Variants in PPIL6 observed in about 807,000 individuals in gnomAD.
PPIL6 encodes the protein peptidylprolyl isomerase like 6.
Under a neutral mutation model 36.8 loss-of-function variants are expected in PPIL6, and 39 were observed. The ratio of observed to expected loss-of-function variants is 1.06; its 90% CI spans 0.82 to 1.38. The LOEUF (loss-of-function observed/expected upper bound fraction) is 1.38. PPIL6 is among the 40% of genes most tolerant of loss of function. The pLI is 0.00. For synonymous variants in PPIL6, 123 were observed against 134.1 expected, an observed-to-expected ratio of 0.92 and a Z score of 0.57; for missense variants, 368 against 379.1, an observed-to-expected ratio of 0.97 and a Z score of 0.24.
At chr6:109,419,684 T>C (rs1198122824) in intron 5 of PPIL6, among the ~76,000 whole-genome samples, 3 of 151,692 alleles carry the variant, frequency 2.0e-5, no homozygotes, top group African/African-American at 7.3e-5. Flanking sequence ...GATTGCGCCA[T>C]TGCACTCCAG....
rs1772470328 is a variant in PPIL6, at chr6:109,400,130, A to G, written c.729T>C (p.Leu243=). 1 of 1,613,466 alleles carries G rather than the reference A, an allele frequency of 6.2e-7. No homozygotes were observed. Among genetic ancestry groups the G allele is most frequent in the Admixed American group, 1.7e-5 (1 of 59,984 alleles). The change falls in exon 7 of 8, where the codon CTT becomes CTC. Residue 243 remains leucine, a synonymous_variant. Transcript: ENST00000521072. The part of the protein sequence containing the change: ...FSVPHNKRGV[L]GMANKGRHSN... ...TGTGACGGCCTTTGTTGGCCATTCC[A>G]AGTACTCCTCTTTTATTATGAGGAA...
intron 7 of PPIL6, among the ~76,000 whole-genome samples, chr6:109,393,509 C>T (rs1057272158): frequency 4.6e-5 from 7 of 152,054 alleles, no homozygotes; most frequent in Non-Finnish European, 7.4e-5. Flanking sequence ...TATAAGTGTG[C>T]GCCACCACAC....
intron 1 of PPIL6, 180 bp downstream of exon 1, chr6:109,440,276 C>A: frequency 1.3e-6 from 1 of 772,816 alleles, no homozygotes; most frequent in South Asian, 1.5e-5. Context: ...GCACTTGCCC[C>A]CCTATACTCT....
chr6:109,407,551 A>G (rs984364777), intron 6 of PPIL6, among the ~76,000 whole-genome samples: 8 of 152,088 alleles, frequency 5.3e-5, no homozygotes, highest in Non-Finnish European at 4.4e-5. Flanking sequence ...GAATATTCTT[A>G]TTAGCCTCTA....
chr6:109,427,074 C>A lies in PPIL6; in HGVS notation c.483+20G>T. The A allele has an allele frequency of 1.2e-6, 2 of 1,601,248 alleles. No homozygotes were observed. The highest frequency in any genetic ancestry group is 1.7e-6 in the Non-Finnish European group (2 of 1,169,358). On this transcript the variant is annotated intron_variant, in intron 4 of 7. Transcript: ENST00000521072. The stretch of plus-strand genomic sequence containing the variant: ...TATAGATCCTACCCCCACAAACTTA[C>A]ATATAAAAAAAAGTATCACCTCAAA...
At chr6:109,435,433 G>A (rs140224320) in intron 2 of PPIL6, among the ~76,000 whole-genome samples, 2,792 of 151,922 alleles carry the variant, frequency 0.018, 61 homozygotes, top group East Asian at 0.069. Context: ...AAGTAGCTGG[G>A]ATTATAGGCA....
At chr6:109,412,504 A>G (rs146770572) in intron 6 of PPIL6, among the ~76,000 whole-genome samples, 3 of 152,366 alleles carry the variant, frequency 2.0e-5, no homozygotes, top group Non-Finnish European at 2.9e-5. Context: ...CTACAGAGCT[A>G]TAGTAACCAA....
intron 1 of PPIL6, among the ~76,000 whole-genome samples, chr6:109,439,051 G>T (rs964533249): frequency 6.6e-6 from 1 of 152,182 alleles, no homozygotes; most frequent in African/African-American, 2.4e-5. Context: ...AGGTGTGACT[G>T]AGACCCTATT....
intron 6 of PPIL6, among the ~76,000 whole-genome samples, chr6:109,415,879 A>C (rs1773230366): frequency 6.6e-6 from 1 of 152,012 alleles, no homozygotes; most frequent in Admixed American, 6.6e-5. Context: ...TTGGTGTTGA[A>C]CTCATGGTGT....
rs370058182 is a variant in PPIL6, at chr6:109,419,237, A to G, written c.638T>C (p.Val213Ala). 1.0e-5 allele frequency: 16 copies of G among 1,540,422 alleles called. No homozygotes were observed. In the African/African-American group the frequency reaches 1.9e-4, roughly 18 times the overall value. The change falls in exon 6 of 8, where the codon GTG becomes GCG. Residue 213 changes from valine to alanine, a missense_variant. Physicochemically the swap from Val to Ala is moderately conservative, Grantham distance 64. Transcript: ENST00000521072. ...QNGWIQGGDI[V>A]YGKGDNGESI... The stretch of plus-strand genomic sequence containing the variant: ...CTCTCCATTATCTCCTTTTCCATAC[A>G]CTATATCTGAGAAATAGCAACAAAT...
intron 1 of PPIL6, among the ~76,000 whole-genome samples, chr6:109,438,638 G>T (rs1379791973): frequency 6.6e-6 from 1 of 151,830 alleles, no homozygotes; most frequent in African/African-American, 2.4e-5. Context: ...GCCCAGGCTG[G>T]AGCACAGTGG....
intron 7 of PPIL6, among the ~76,000 whole-genome samples, chr6:109,393,986 T>C (rs912355757): frequency 6.6e-6 from 1 of 152,236 alleles, no homozygotes; most frequent in Non-Finnish European, 1.5e-5. Context: ...GGGATCATGC[T>C]TGTGCTCAGG....
rs1582619845 is a variant in PPIL6 at position 109,440,586 on chromosome 6, G to C, written c.5C>G (p.Ala2Gly). The C allele has an allele frequency of 7.4e-7, 1 of 1,360,378 alleles. No homozygotes were observed. The highest frequency in any genetic ancestry group is 9.4e-7 in the Non-Finnish European group (1 of 1,058,368). 84.3% of individuals were successfully genotyped at this position (1,360,378 alleles called of 1,614,324 possible). A position where few individuals can be genotyped will look rare whatever the true frequency, so the allele number is the denominator to read the frequency against. ...CGGGGGCCCGCACGGCTGCGGCCTT[G>C]CCATGGCCGCGCCCGGGGACGCCCG... Reference protein sequence around the residue: MARPQPCGPPHA... With the variant: MGRPQPCGPPHA... Residue 2 changes from alanine (A) to glycine (G), a missense_variant, in exon 1 of 8, where the codon GCA becomes GGA. Coordinates refer to ENST00000521072, the MANE Select transcript of PPIL6 (RefSeq NM_173672.5).
chr6:109,436,786 C>A (rs994032412), intron 1 of PPIL6, among the ~76,000 whole-genome samples: 1 of 152,062 alleles, frequency 6.6e-6, no homozygotes, highest in East Asian at 1.9e-4. Context: ...CCTATATTCC[C>A]ACCTGCCACA....
chr6:109,406,212 A>T (rs1360208495), intron 6 of PPIL6, among the ~76,000 whole-genome samples: 1 of 143,938 alleles, frequency 6.9e-6, no homozygotes, highest in African/African-American at 2.7e-5. Context: ...CACCACGCCC[A>T]GCTAATTTTT....
At position 109,426,860 on chromosome 6, in the gene PPIL6, C is replaced by G. The variant is rs745366454; in HGVS notation, c.618G>C (p.Trp206Cys). 2 of 1,526,386 alleles carry G rather than the reference C, an allele frequency of 1.3e-6. No homozygotes were observed. Among genetic ancestry groups the G allele is most frequent in the Non-Finnish European group, 1.8e-6 (2 of 1,124,028 alleles). 94.6% of individuals were successfully genotyped at this position (1,526,386 alleles called of 1,614,324 possible). ...TTTTAAACTTACCCCCTCCTTGTAT[C>G]CAGCCATTCTGTACTATTCGATGAA... ...SIFHRIVQNG[W>C]IQGGDIVYGK... Residue 206 changes from tryptophan to cysteine, a missense_variant, in exon 5 of 8, where the codon TGG (tryptophan) becomes TGC (cysteine). Physicochemically the swap from Trp to Cys is radical, Grantham distance 215 (BLOSUM62 -2). Transcript: ENST00000521072.
chr6:109,416,352 G>T (rs528905935), intron 6 of PPIL6, among the ~76,000 whole-genome samples: 1 of 151,970 alleles, frequency 6.6e-6, no homozygotes, highest in African/African-American at 2.4e-5. Context: ...ACAGGCACCT[G>T]CCATCACTCC....
chr6:109,400,200 A>G (rs774257822), intron 6 of PPIL6, 30 bp from the exon 7 acceptor site: 47 of 1,576,732 alleles, frequency 3.0e-5, no homozygotes, highest in Non-Finnish European at 4.1e-5. Context: ...GTAGGTCATT[A>G]GCACATTTCT....
At chr6:109,403,483 G>A (rs1249227824) in intron 6 of PPIL6, among the ~76,000 whole-genome samples, 1 of 152,104 alleles carries the variant, frequency 6.6e-6, no homozygotes, top group African/African-American at 2.4e-5. Context: ...CCCCATAGAG[G>A]AATTTCTGTC....
Sources: gnomAD v4.1 joint callset for allele counts (sites outside exome capture counted in the v4.1 genomes callset) on GRCh38, gnomAD v4.1.1 for gene constraint, MANE v1.5 for transcripts, NCBI Gene and HGNC (gene_info 2026-07-23, HGNC 2026-07-21) for gene names.